The following THAP8 variants were observed in gnomAD, a reference collection of about 807,000 sequenced individuals.
THAP8 encodes THAP domain containing 8.
A neutral mutation model predicts 25.0 loss-of-function variants in THAP8; 24 were observed. That is an observed-to-expected ratio of 0.96 (90% CI 0.69 to 1.35). The LOEUF is 1.35. Ranked by LOEUF, THAP8 falls within the 40% of genes most tolerant of loss-of-function variation. The probability of loss-of-function intolerance (pLI) is 0.00; values close to 1 mark genes in which losing one functional copy is unlikely to be tolerated. For synonymous variants in THAP8, 169 were observed against 157.6 expected, an observed-to-expected ratio of 1.07 and a Z score of -0.54; for missense variants, 399 against 368.8, an observed-to-expected ratio of 1.08 and a Z score of -0.67.
chr19:36,046,097 A>C (rs1969871669), intron 1 of THAP8: 1 of 359,414 alleles, frequency 2.8e-6, no homozygotes. Flanking sequence ...CCCATGTGTC[A>C]AGGGAGGGAC....
At position 36,039,373 on chromosome 19, in the gene THAP8, G is replaced by C; in HGVS notation, c.622C>G (p.Leu208Val). 2 of 1,537,328 alleles carry C rather than the reference G, an allele frequency of 1.3e-6. No homozygotes were observed. The highest frequency in any genetic ancestry group is 1.7e-6 in the Non-Finnish European group (2 of 1,146,214). ...CGTGCCAGCAGGCTCTCCCCGTGTAGCTGCTGTGCCAGCCGTTCCAGGGCC... is the reference window on the plus strand; with the variant it reads ...CGTGCCAGCAGGCTCTCCCCGTGTACCTGCTGTGCCAGCCGTTCCAGGGCC... Reference protein sequence around the residue: ...LQALERLAQQLHGESLLARAR... With the variant: ...LQALERLAQQVHGESLLARAR... Residue 208 changes from leucine (L) to valine (V), a missense_variant, in exon 3 of 4, where the codon CTA (leucine) becomes GTA (valine). Coordinates refer to ENST00000292894, the MANE Select transcript of THAP8 (RefSeq NM_152658.3).
At chr19:36,049,736 T>C (rs7245415) in intron 1 of THAP8, among the ~76,000 whole-genome samples, 2,818 of 152,210 alleles carry the variant, frequency 0.019, 94 homozygotes, top group African/African-American at 0.064. Flanking sequence ...TAAGTAACTA[T>C]TGTTGTTGTT....
chr19:36,049,359 T>C (rs1049742973), intron 1 of THAP8, among the ~76,000 whole-genome samples: 2 of 151,408 alleles, frequency 1.3e-5, no homozygotes, highest in Non-Finnish European at 1.5e-5. Context: ...AGCAAGATCA[T>C]GTTTCAAAAA....
chr19:36,048,853 A>AAC (rs1555790082), intron 1 of THAP8, among the ~76,000 whole-genome samples: 1 of 135,664 alleles, frequency 7.4e-6, no homozygotes, highest in African/African-American at 2.7e-5. Context: ...AAAAAAAAAA[A>AAC]AAACAAAAAA....
intron 1 of THAP8, among the ~76,000 whole-genome samples, chr19:36,053,363 T>A (rs1970129071): frequency 1.4e-5 from 1 of 72,200 alleles, no homozygotes; most frequent in Non-Finnish European, 2.3e-5. Flanking sequence ...CCACCAAGCC[T>A]GGCAAAAAAA....
At chr19:36,036,940 CAAA>C (rs10522467) in intron 3 of THAP8, among the ~76,000 whole-genome samples, 1 of 113,176 alleles carries the variant, frequency 8.8e-6, no homozygotes, top group Non-Finnish European at 1.8e-5. Flanking sequence ...GACTCCTTCT[CAAA>C]AAAAAAAAAA....
upstream of THAP8, chr19:36,054,307 G>A (rs1056255756): frequency 3.4e-6 from 5 of 1,452,564 alleles, no homozygotes; most frequent in African/African-American, 7.0e-5. Flanking sequence ...ACCCGCGCTC[G>A]CCGCCTGCCT....
intron 3 of THAP8, 24 bp from the exon 4 acceptor site, chr19:36,035,616 T>A (rs1394496190): frequency 1.2e-5 from 20 of 1,602,816 alleles, no homozygotes; most frequent in Non-Finnish European, 1.7e-5. Flanking sequence ...GTGGTAGAGA[T>A]GGGGAACATT....
At chr19:36,041,463 A>C (rs1434106938) in intron 1 of THAP8, among the ~76,000 whole-genome samples, 1 of 152,194 alleles carries the variant, frequency 6.6e-6, no homozygotes, top group Non-Finnish European at 1.5e-5. Context: ...CAGGACAAAA[A>C]CTTAGAGGTG....
At chr19:36,042,156 C>A (rs1204325897) in intron 1 of THAP8, among the ~76,000 whole-genome samples, 3 of 152,078 alleles carry the variant, frequency 2.0e-5, no homozygotes, top group African/African-American at 7.2e-5. Flanking sequence ...GGAAAAACTG[C>A]TGGAACTCTG....
chr19:36,044,861 G>A (rs1455241859), intron 1 of THAP8, among the ~76,000 whole-genome samples: 1 of 152,150 alleles, frequency 6.6e-6, no homozygotes, highest in African/African-American at 2.4e-5. Context: ...TCCTACAGGA[G>A]AGAGGGTAAA....
intron 1 of THAP8, among the ~76,000 whole-genome samples, chr19:36,042,772 T>TG (rs1568552388): frequency 6.6e-6 from 1 of 152,102 alleles, no homozygotes; most frequent in African/African-American, 2.4e-5. Flanking sequence ...GTCTTTTTTT[T>TG]GGGGGGAGGG....
At chr19:36,053,990 C>G (rs907815818) in intron 1 of THAP8, 145 bp downstream of exon 1, 21 of 830,072 alleles carry the variant, frequency 2.5e-5, no homozygotes, top group Non-Finnish European at 4.0e-5. Context: ...ATGGACACTG[C>G]CAGGAAGGCC....
intron 1 of THAP8, among the ~76,000 whole-genome samples, chr19:36,048,867 A>AC (rs1395343034): frequency 6.7e-6 from 1 of 149,194 alleles, no homozygotes. Context: ...CAAAAAAACA[A>AC]AAAACACCTT....
At chr19:36,043,632 C>T (rs1048296877) in intron 1 of THAP8, among the ~76,000 whole-genome samples, 6 of 151,946 alleles carry the variant, frequency 3.9e-5, no homozygotes, top group Non-Finnish European at 8.8e-5. Flanking sequence ...TTTGGGAGGC[C>T]GAGGTGGGCG....
chr19:36,044,010 T>C (rs948042730), intron 1 of THAP8, among the ~76,000 whole-genome samples: 2 of 152,212 alleles, frequency 1.3e-5, no homozygotes, highest in Admixed American at 1.3e-4. Flanking sequence ...CGGGTGCCAC[T>C]TATTCCCAGC....
At position 36,039,958 on chromosome 19, in the gene THAP8, C is replaced by A; in HGVS notation, c.262G>T (p.Gly88Ter). The change falls in exon 2 of 4, where the codon GGA becomes TGA. Residue 88 changes from glycine (G) to a stop codon, truncating the protein, a stop_gained. Coordinates refer to ENST00000292894, the MANE Select transcript of THAP8 (RefSeq NM_152658.3). LOFTEE classifies it high-confidence loss of function. ...PDAVPSIFSR[G>*]PPAKSQRRTR... ...CCAGCGCTCACCTTGGCAGGTGGTC[C>A]CCGGGAGAAGATGGAGGGCACTGCA... 3.1e-6 allele frequency: 5 copies of A among 1,612,924 alleles called. No homozygotes were observed. In the South Asian group the frequency reaches 4.4e-5, roughly 14 times the overall value.
In THAP8 at chr19:36,039,629, G is replaced by A. The variant is rs1221963759; in HGVS notation, c.366C>T (p.Ile122=). 1 of 1,509,002 alleles carries A rather than the reference G, an allele frequency of 6.6e-7. No homozygotes were observed. The highest frequency in any genetic ancestry group is 2.3e-5 in the Admixed American group (1 of 43,750). 93.5% of individuals were successfully genotyped at this position (1,509,002 alleles called of 1,614,324 possible). A position where few individuals can be genotyped will look rare whatever the true frequency, so the allele number is the denominator to read the frequency against. Reference sequence around the variant, plus strand: ...CTAGGCGCACTGGGCCAGAGACTGGGATGGCAGGGCTCTGGGGCAGGGGTG... The same window carrying A: ...CTAGGCGCACTGGGCCAGAGACTGGAATGGCAGGGCTCTGGGGCAGGGGTG... ...KNTPLPQSPA[I]PVSGPVRLVV... Residue 122 remains isoleucine (I), a synonymous_variant, in exon 3 of 4, where the codon ATC becomes ATT. Coordinates refer to ENST00000292894, the MANE Select transcript of THAP8 (RefSeq NM_152658.3).
upstream of THAP8, chr19:36,054,723 C>T (rs928635927): frequency 8.5e-5 from 51 of 597,744 alleles, no homozygotes; most frequent in Non-Finnish European, 1.4e-4. Flanking sequence ...GGATGAAAGA[C>T]CCCATGACGC....
Sources: allele counts gnomAD v4.1 joint callset (sites outside exome capture counted in the v4.1 genomes callset), GRCh38; gene constraint gnomAD v4.1.1; transcripts MANE v1.5; gene names NCBI Gene and HGNC (gene_info 2026-07-23, HGNC 2026-07-21).